The following RNF150 variants were observed in gnomAD, a reference collection of about 807,000 sequenced individuals.
RNF150 encodes the protein ring finger protein 150.
A neutral mutation model predicts 39.3 loss-of-function variants in RNF150; 24 were observed. That is an observed-to-expected ratio of 0.61 (90% CI 0.44 to 0.86). RNF150 has a LOEUF of 0.86. Among genes scored for constraint, RNF150 ranks in the 40% least tolerant of loss-of-function variants. The pLI is 0.00. For missense variants in RNF150, 502 were observed against 587.8 expected (o/e 0.85, Z 1.51); for synonymous variants, 255 against 227.3 (o/e 1.12, Z -1.10).
intron 1 of RNF150, among the ~76,000 whole-genome samples, chr4:140,988,833 A>G (rs1419273080): frequency 6.6e-6 from 1 of 152,156 alleles, no homozygotes; most frequent in Non-Finnish European, 1.5e-5. Flanking sequence ...ATAAAAAATG[A>G]TGAGTTCATG....
rs1738592299 is a variant in RNF150 at position 141,091,789 on chromosome 4, A to G, written c.484+40536T>C. 2.6e-5 allele frequency among the ~76,000 whole-genome samples: 4 copies of G among 152,314 alleles called. No homozygotes were observed. The South Asian group carries it at 8.3e-4, about 32-fold the overall frequency. ...CTATAAGACAGACCCACTGACTCAT[A>G]TGAAACAAGCTACCAACACACAAAA... On this transcript the variant is annotated intron_variant, in intron 1 of 6. Coordinates refer to ENST00000515673, the MANE Select transcript of RNF150 (RefSeq NM_020724.2).
At chr4:140,876,019 G>A (rs1391535715) in intron 6 of RNF150, among the ~76,000 whole-genome samples, 1 of 152,166 alleles carries the variant, frequency 6.6e-6, no homozygotes, top group Admixed American at 6.5e-5. Flanking sequence ...AAATAAGGTG[G>A]TGGTTAATAT....
chr4:141,183,288 T>A, intron 1 of RNF150, among the ~76,000 whole-genome samples: 1 of 152,148 alleles, frequency 6.6e-6, no homozygotes, highest in African/African-American at 2.4e-5. Flanking sequence ...GTTGACTCAG[T>A]AGGTATGGTA....
chr4:141,125,497 T>C (rs1203110436), intron 1 of RNF150, among the ~76,000 whole-genome samples: 8 of 152,214 alleles, frequency 5.3e-5, no homozygotes, highest in Non-Finnish European at 7.4e-5. Flanking sequence ...AAATGCTCCT[T>C]ACAGTATATA....
intron 2 of RNF150, among the ~76,000 whole-genome samples, chr4:140,956,071 A>G (rs1049093397): frequency 1.3e-5 from 2 of 152,206 alleles, no homozygotes; most frequent in African/African-American, 2.4e-5. Context: ...TATGAAAACC[A>G]AAAAAGATCC....
intron 6 of RNF150, among the ~76,000 whole-genome samples, chr4:140,880,956 C>T (rs1706914393): frequency 1.3e-5 from 2 of 152,078 alleles, no homozygotes; most frequent in Admixed American, 1.3e-4. Context: ...CCTTTCAAAA[C>T]ACAAATTCTA....
chr4:141,124,555 T>C (rs1446851694), intron 1 of RNF150, among the ~76,000 whole-genome samples: 1 of 152,204 alleles, frequency 6.6e-6, no homozygotes, highest in Non-Finnish European at 1.5e-5. Flanking sequence ...ATTTCTGATG[T>C]GGGTTTCATC....
At chr4:140,982,850 T>C (rs925443168) in intron 1 of RNF150, among the ~76,000 whole-genome samples, 4 of 152,152 alleles carry the variant, frequency 2.6e-5, no homozygotes, top group African/African-American at 7.2e-5. Context: ...ATACTTAGTT[T>C]CTGTACAGGC....
chr4:140,919,793 A>G (rs1731026271), intron 5 of RNF150, among the ~76,000 whole-genome samples: 1 of 129,666 alleles, frequency 7.7e-6, no homozygotes, highest in Non-Finnish European at 1.8e-5. Context: ...ACTTGGTTAC[A>G]AGGCTACGGT....
chr4:140,903,867 AATTG>A lies in RNF150; in HGVS notation c.1198+7273_1198+7276del, dbSNP rs888319684. On this transcript the variant is annotated intron_variant, in intron 6 of 6. Coordinates refer to ENST00000515673, the MANE Select transcript of RNF150 (RefSeq NM_020724.2). ...CAAGTAGCAATATATCTGTGGTCTA[AATTG>A]ATTGATTCTCTCACAGGCTGTTTGT... 2.0e-5 allele frequency among the ~76,000 whole-genome samples: 3 copies of A among 152,128 alleles called. No homozygotes were observed. The East Asian group carries it at 5.8e-4, about 29-fold the overall frequency.
intron 1 of RNF150, among the ~76,000 whole-genome samples, chr4:141,062,446 T>C (rs1036055101): frequency 6.6e-6 from 1 of 152,054 alleles, no homozygotes; most frequent in African/African-American, 2.4e-5. Flanking sequence ...ATATAAAGCA[T>C]CTAGAAGGAA....
chr4:141,017,713 C>A (rs116448863), intron 1 of RNF150, among the ~76,000 whole-genome samples: 1 of 152,120 alleles, frequency 6.6e-6, no homozygotes, highest in Admixed American at 6.6e-5. Flanking sequence ...CATAGTTTGC[C>A]TTTTCTAGAA....
At chr4:141,070,699 C>T (rs75513289) in intron 1 of RNF150, among the ~76,000 whole-genome samples, 20,374 of 88,354 alleles carry the variant, frequency 0.23, 3,014 homozygotes, top group Non-Finnish European at 0.36. Context: ...CTCACACCAG[C>T]TAGAATGGCA....
At chr4:140,911,679 A>G (rs1327234508) in intron 5 of RNF150, among the ~76,000 whole-genome samples, 1 of 152,202 alleles carries the variant, frequency 6.6e-6, no homozygotes, top group Non-Finnish European at 1.5e-5. Flanking sequence ...ATTTATTTAC[A>G]ATGAAGGCAC....
intron 5 of RNF150, among the ~76,000 whole-genome samples, chr4:140,912,959 T>TAGAAAAAA (rs1560962313): frequency 7.2e-6 from 1 of 138,138 alleles, no homozygotes; most frequent in African/African-American, 2.7e-5. Context: ...CATCAGAACA[T>TAGAAAAAA]AAAAAAAAAA....
intron 1 of RNF150, among the ~76,000 whole-genome samples, chr4:140,992,727 G>A (rs1429266084): frequency 6.6e-6 from 1 of 152,168 alleles, no homozygotes; most frequent in Non-Finnish European, 1.5e-5. Flanking sequence ...GCTGGACACA[G>A]TCATGAGCCA....
chr4:141,041,789 G>A (rs1736385605), intron 1 of RNF150, among the ~76,000 whole-genome samples: 1 of 152,044 alleles, frequency 6.6e-6, no homozygotes, highest in Admixed American at 6.6e-5. Flanking sequence ...ATTATATTAT[G>A]TAAATGAACG....
At chr4:141,055,078 G>A (rs1361268395) in intron 1 of RNF150, among the ~76,000 whole-genome samples, 1 of 152,130 alleles carries the variant, frequency 6.6e-6, no homozygotes, top group African/African-American at 2.4e-5. Context: ...ATAAAAAGTG[G>A]TTTGGAAGGA....
At chr4:140,966,086 G>A (rs1733232092) in intron 2 of RNF150, among the ~76,000 whole-genome samples, 1 of 151,968 alleles carries the variant, frequency 6.6e-6, no homozygotes, top group Non-Finnish European at 1.5e-5. Flanking sequence ...TGTAATCCCA[G>A]CACTTTGGGA....
Sources: allele counts gnomAD v4.1 joint callset (sites outside exome capture counted in the v4.1 genomes callset), GRCh38; gene constraint gnomAD v4.1.1; transcripts MANE v1.5; gene names NCBI Gene and HGNC (gene_info 2026-07-23, HGNC 2026-07-21).